Variants in SYNJ1 observed in about 807,000 individuals in gnomAD.
SYNJ1 encodes the protein polyphosphatidylinositol phosphatase SYNJ1.
In SYNJ1, 78 loss-of-function variants were observed where a neutral mutation model predicts 168.2. The ratio of observed to expected loss-of-function variants is 0.46; its 90% CI spans 0.39 to 0.56. The LOEUF is 0.56. Ranked by LOEUF, SYNJ1 falls within the 20% of genes least tolerant of loss-of-function variation. The probability of loss-of-function intolerance (pLI) is 0.00; values close to 1 mark genes in which losing one functional copy is unlikely to be tolerated. For synonymous variants in SYNJ1, 539 were observed against 548.6 expected, an observed-to-expected ratio of 0.98 and a Z score of 0.24; for missense variants, 1,303 against 1,597.6, an observed-to-expected ratio of 0.82 and a Z score of 3.14.
In SYNJ1 at chr21:32,688,320, T is replaced by C; in HGVS notation, c.837A>G (p.Ala279=). ...VRMSRGFEAN[A]PAFDRHFRTL... The stretch of plus-strand genomic sequence containing the variant: ...AATTGTCTTACCTGTCAAAAGCAGG[T>C]GCATTGGCTTCAAATCCCCTTGACA... Residue 279 remains alanine (A), a synonymous_variant, in exon 7 of 33, where the codon GCA becomes GCG. Transcript: ENST00000674351. The C allele has an allele frequency of 6.2e-7, 1 of 1,613,664 alleles. No individual in the cohort carries two copies. The highest frequency in any genetic ancestry group is 1.1e-5 in the South Asian group (1 of 90,956).
In SYNJ1 at chr21:32,685,734, C is replaced by G. The variant is rs1486874784; in HGVS notation, c.1118+14G>C. On this transcript the variant is annotated intron_variant, in intron 9 of 32. Transcript: ENST00000674351. ...TGTTCCAATTCAAAGAACAGAGAAACAGAACAGTCAAACCTTTGAACTTCA... is the reference window on the plus strand; with the variant it reads ...TGTTCCAATTCAAAGAACAGAGAAAGAGAACAGTCAAACCTTTGAACTTCA... 1 of 1,548,574 alleles carries G rather than the reference C, an allele frequency of 6.5e-7. No homozygotes were observed. The highest frequency in any genetic ancestry group is 2.1e-5 in the Admixed American group (1 of 48,644).
intron 10 of SYNJ1, among the ~76,000 whole-genome samples, chr21:32,682,779 T>C (rs2041674042): frequency 6.6e-6 from 1 of 152,148 alleles, no homozygotes; most frequent in Non-Finnish European, 1.5e-5. Flanking sequence ...GTTATAATTT[T>C]GATGAAGAGG....
chr21:32,668,200 G>A (rs1040480450), intron 15 of SYNJ1, among the ~76,000 whole-genome samples: 1 of 152,010 alleles, frequency 6.6e-6, no homozygotes, highest in Non-Finnish European at 1.5e-5. Context: ...TGAGTAGCTG[G>A]GATTACAGGC....
At chr21:32,649,892 G>A (rs986246245) in intron 23 of SYNJ1, among the ~76,000 whole-genome samples, 3 of 152,084 alleles carry the variant, frequency 2.0e-5, no homozygotes, top group Admixed American at 6.5e-5. Flanking sequence ...TGGGATTACA[G>A]GCATGCACCA....
In SYNJ1 at chr21:32,703,385, C is replaced by T. The variant is rs563949283; in HGVS notation, c.125-1338G>A. Among the ~76,000 whole-genome samples, 61 of 152,324 alleles carry T rather than the reference C, an allele frequency of 4.0e-4. No individual in the cohort carries two copies. The Middle Eastern group carries it at 0.01, about 25-fold the overall frequency. On this transcript the variant is annotated intron_variant, in intron 2 of 32. Transcript: ENST00000674351. The stretch of plus-strand genomic sequence containing the variant: ...TCTTATGTTTATCCAACAGTTGATC[C>T]TAACATTCCATGACAAGCAACCCAA...
intron 13 of SYNJ1, among the ~76,000 whole-genome samples, chr21:32,675,230 T>C (rs2041358118): frequency 6.6e-6 from 1 of 152,202 alleles, no homozygotes; most frequent in African/African-American, 2.4e-5. Context: ...GCTTAAAATA[T>C]TCAGCAAGAC....
At position 32,702,104 on chromosome 21, in the gene SYNJ1, G is replaced by C; in HGVS notation, c.125-57C>G. The stretch of plus-strand genomic sequence containing the variant: ...GACCTGAAACATTGGATTCTATTTA[G>C]CTAAGTATAAATCCAGAGTTTCAAT... On this transcript the variant is annotated intron_variant, in intron 2 of 32. Coordinates refer to ENST00000674351, the MANE Select transcript of SYNJ1 (RefSeq NM_203446.3). The C allele has an allele frequency of 1.6e-6, 2 of 1,243,338 alleles. 1 individual carries two copies. The highest frequency in any genetic ancestry group is 4.8e-5 in the East Asian group (2 of 42,058). 77.0% of individuals were successfully genotyped at this position (1,243,338 alleles called of 1,614,324 possible).
chr21:32,683,630 T>C (rs553003072), intron 10 of SYNJ1, among the ~76,000 whole-genome samples: 106 of 152,254 alleles, frequency 7.0e-4, no homozygotes, highest in Non-Finnish European at 1.2e-3. Context: ...TAGTCCTATA[T>C]AATTGTACAT....
At chr21:32,666,387 A>T (rs755803267) in intron 16 of SYNJ1, 46 bp downstream of exon 16, 5 of 1,564,414 alleles carry the variant, frequency 3.2e-6, no homozygotes, top group Admixed American at 4.1e-5. Context: ...TTTTCTTGTT[A>T]TTTAATGGTA....
At chr21:32,638,675 A>T (rs554985578) in intron 31 of SYNJ1, among the ~76,000 whole-genome samples, 2 of 152,228 alleles carry the variant, frequency 1.3e-5, no homozygotes, top group South Asian at 4.2e-4. Context: ...CCAGCCTGGG[A>T]GACAGAGCAA....
intron 32 of SYNJ1, 34 bp downstream of exon 32, chr21:32,634,827 A>C (rs2039490226): frequency 6.2e-7 from 1 of 1,611,504 alleles, no homozygotes; most frequent in Non-Finnish European, 8.5e-7. Flanking sequence ...GAGACGGATG[A>C]AAACACATGT....
rs754690966 is a variant in SYNJ1, at chr21:32,682,321, C to CA, written c.1201-674dup. ...CAAGAATTCTAGCCTATAAATCTGA[C>CA]AGAGTCAATGTTCGATCTTTATCCA... On this transcript the variant is annotated intron_variant, in intron 10 of 32. Coordinates refer to ENST00000674351, the MANE Select transcript of SYNJ1 (RefSeq NM_203446.3). 7.2e-5 allele frequency among the ~76,000 whole-genome samples: 11 copies of CA among 152,156 alleles called. No individual in the cohort carries two copies. The East Asian group carries it at 7.7e-4, about 11-fold the overall frequency.
chr21:32,717,319 T>C (rs900619208), intron 2 of SYNJ1, among the ~76,000 whole-genome samples: 4 of 152,184 alleles, frequency 2.6e-5, no homozygotes, highest in Non-Finnish European at 5.9e-5. Flanking sequence ...TTGTTGAACA[T>C]ATGGAGTATA....
At chr21:32,637,471 C>T (rs997651912) in intron 31 of SYNJ1, among the ~76,000 whole-genome samples, 7 of 137,526 alleles carry the variant, frequency 5.1e-5, no homozygotes, top group South Asian at 4.4e-4. Context: ...TGCAGTGGTG[C>T]GATCTCAGCT....
chr21:32,646,351 G>A, intron 24 of SYNJ1, 42 bp downstream of exon 24: 1 of 1,578,908 alleles, frequency 6.3e-7, no homozygotes. Flanking sequence ...CAAGCACATT[G>A]GCCACAGGAA....
intron 32 of SYNJ1, 77 bp downstream of exon 32, chr21:32,634,784 G>T: frequency 6.8e-7 from 1 of 1,471,538 alleles, no homozygotes; most frequent in South Asian, 1.2e-5. Context: ...AACTTTAGAT[G>T]TATGAAGCAG....
At chr21:32,723,253 G>T (rs2043315629) in intron 2 of SYNJ1, among the ~76,000 whole-genome samples, 1 of 152,226 alleles carries the variant, frequency 6.6e-6, no homozygotes, top group Non-Finnish European at 1.5e-5. Context: ...TGTGCTAATA[G>T]TATGAAAGAC....
At chr21:32,716,339 T>A (rs1166722200) in intron 2 of SYNJ1, among the ~76,000 whole-genome samples, 1 of 152,234 alleles carries the variant, frequency 6.6e-6, no homozygotes, top group Non-Finnish European at 1.5e-5. Flanking sequence ...AATATTAAAC[T>A]GCTAGTCATT....
At position 32,665,082 on chromosome 21, in the gene SYNJ1, T is replaced by G; in HGVS notation, c.2146-11A>C. ...AAATAGCATCCTTCCCTGAAAGCAA[T>G]GAGATAGAATTTTAAATTCAAAACA... On this transcript the variant is annotated splice_polypyrimidine_tract_variant and intron_variant, in intron 17 of 32. Transcript: ENST00000674351. 6.4e-7 allele frequency: 1 copy of G among 1,571,156 alleles called. No individual in the cohort carries two copies. The highest frequency in any genetic ancestry group is 8.6e-7 in the Non-Finnish European group (1 of 1,157,258).
Sources: allele counts gnomAD v4.1 joint callset (sites outside exome capture counted in the v4.1 genomes callset), GRCh38; gene constraint gnomAD v4.1.1; transcripts MANE v1.5; gene names NCBI Gene and HGNC (gene_info 2026-07-23, HGNC 2026-07-21).